The following NPSR1 variants were observed in gnomAD, a reference collection of about 807,000 sequenced individuals.
NPSR1 encodes neuropeptide S receptor 1.
NPSR1 carries 48 observed loss-of-function variants against 46.9 expected under a neutral mutation model. The ratio of observed to expected loss-of-function variants is 1.02; its 90% CI spans 0.81 to 1.30. The LOEUF (loss-of-function observed/expected upper bound fraction) is 1.30. Among genes scored for constraint, NPSR1 ranks in the 50% most tolerant of loss-of-function variants. The pLI, the probability that NPSR1 is intolerant of heterozygous loss-of-function variation, is 0.00. For synonymous variants in NPSR1, 176 were observed against 168.1 expected (o/e 1.05, Z -0.36); for missense variants, 450 against 449.5 (o/e 1.00, Z -0.01).
intron 2 of NPSR1, among the ~76,000 whole-genome samples, chr7:34,745,979 T>A (rs1242755885): frequency 6.6e-6 from 1 of 152,182 alleles, no homozygotes; most frequent in Non-Finnish European, 1.5e-5. Flanking sequence ...AAATACAGTC[T>A]TAGTATTAAT....
chr7:34,837,834 GA>G, intron 6 of NPSR1, among the ~76,000 whole-genome samples: 1 of 152,206 alleles, frequency 6.6e-6, no homozygotes, highest in East Asian at 1.9e-4. Context: ...TCTGCCTTCA[GA>G]GAGCTATTCC....
At chr7:34,702,577 C>A (rs542318628) in intron 2 of NPSR1, among the ~76,000 whole-genome samples, 2 of 152,318 alleles carry the variant, frequency 1.3e-5, no homozygotes, top group East Asian at 3.9e-4. Context: ...CTTCTAATGA[C>A]TTATTATCTT....
At chr7:34,809,302 A>G (rs576698124) in intron 3 of NPSR1, among the ~76,000 whole-genome samples, 90 of 151,668 alleles carry the variant, frequency 5.9e-4, no homozygotes, top group African/African-American at 2.1e-3. Context: ...TTCCCAAGAG[A>G]TAATTTTTTC....
intron 1 of NPSR1, among the ~76,000 whole-genome samples, chr7:34,669,830 A>C (rs1193553490): frequency 1.3e-5 from 2 of 152,210 alleles, no homozygotes; most frequent in Non-Finnish European, 1.5e-5. Flanking sequence ...AGTCAGGACA[A>C]GAACTGCAAT....
intron 2 of NPSR1, among the ~76,000 whole-genome samples, chr7:34,716,051 G>C (rs976284293): frequency 3.9e-5 from 6 of 152,098 alleles, no homozygotes; most frequent in Non-Finnish European, 7.4e-5. Flanking sequence ...GGCCTCCAGA[G>C]CTGAGTCCAC....
At chr7:34,735,125 G>T (rs1012417393) in intron 2 of NPSR1, among the ~76,000 whole-genome samples, 7 of 152,190 alleles carry the variant, frequency 4.6e-5, no homozygotes, top group African/African-American at 1.2e-4. Context: ...CCTGGTTGGG[G>T]GAAAGATAAT....
At chr7:34,756,329 G>T (rs1768835087) in intron 2 of NPSR1, among the ~76,000 whole-genome samples, 1 of 152,220 alleles carries the variant, frequency 6.6e-6, no homozygotes. Context: ...GAGCATTTAT[G>T]CAACCTACAT....
intron 4 of NPSR1, among the ~76,000 whole-genome samples, chr7:34,819,321 A>T (rs1319779622): frequency 6.6e-6 from 1 of 152,382 alleles, no homozygotes; most frequent in East Asian, 1.9e-4. Flanking sequence ...AAAAATGCTC[A>T]TCATCACTGA....
intron 6 of NPSR1, among the ~76,000 whole-genome samples, chr7:34,844,147 A>T (rs181918288): frequency 1.3e-5 from 2 of 152,346 alleles, no homozygotes; most frequent in Admixed American, 6.5e-5. Flanking sequence ...TTTAACTAAG[A>T]CCTATTGCAC....
chr7:34,860,332 T>A (rs13307205), intron 8 of NPSR1, among the ~76,000 whole-genome samples: 17 of 151,888 alleles, frequency 1.1e-4, no homozygotes, highest in African/African-American at 1.7e-4. Context: ...TGATTGCTTA[T>A]GTGTATTGTA....
intron 1 of NPSR1, among the ~76,000 whole-genome samples, chr7:34,678,342 C>T (rs1401818334): frequency 6.6e-6 from 1 of 151,504 alleles, no homozygotes; most frequent in Non-Finnish European, 1.5e-5. Flanking sequence ...CTGGCTCAGC[C>T]TCCCGAGTAG....
chr7:34,764,477 T>A (rs1185044442), intron 2 of NPSR1, among the ~76,000 whole-genome samples: 1 of 152,180 alleles, frequency 6.6e-6, no homozygotes, highest in East Asian at 1.9e-4. Context: ...TACAGAATTG[T>A]CTATGGTTGC....
At chr7:34,877,993 G>A in intron 8 of NPSR1, 1 of 747,334 alleles carries the variant, frequency 1.3e-6, no homozygotes, top group South Asian at 1.7e-5. Context: ...AATGACCACA[G>A]TGAGGTCACA....
intron 1 of NPSR1, among the ~76,000 whole-genome samples, chr7:34,668,424 AATGCAAAGAGTATTC>A (rs1390268186): frequency 6.6e-6 from 1 of 152,198 alleles, no homozygotes; most frequent in Non-Finnish European, 1.5e-5. Context: ...TTAAGATTAA[AATGCAAAGAGTATTC>A]AAGAACACAG....
In NPSR1 at chr7:34,878,024, A is replaced by G. The variant is rs547009793; in HGVS notation, c.1026-52A>G. Reference sequence around the variant, plus strand: ...TCACACATTCCTTCCTTTTATGCAAATAGGAAGACCCAGGTCCCTATACAT... The same window carrying G: ...TCACACATTCCTTCCTTTTATGCAAGTAGGAAGACCCAGGTCCCTATACAT... On this transcript the variant is annotated intron_variant, in intron 8 of 8. Coordinates refer to the NPSR1 transcript ENST00000359791. The G allele has an allele frequency of 5.9e-4, 632 of 1,064,112 alleles. 1 individual carries two copies. In the African/African-American group the frequency reaches 8.6e-3, roughly 14 times the overall value. 65.9% of individuals were successfully genotyped at this position (1,064,112 alleles called of 1,614,324 possible). A position where few individuals can be genotyped will look rare whatever the true frequency, so the allele number is the denominator to read the frequency against.
At chr7:34,851,282 C>T (rs2128765925), downstream of NPSR1, among the ~76,000 whole-genome samples, 1 of 145,960 alleles carries the variant, frequency 6.9e-6, no homozygotes, top group East Asian at 2.0e-4. Context: ...AACTCAAAGT[C>T]TGCGTGTTTA....
chr7:34,809,927 T>TC (rs911237946), intron 3 of NPSR1, among the ~76,000 whole-genome samples: 1 of 152,164 alleles, frequency 6.6e-6, no homozygotes, highest in African/African-American at 2.4e-5. Flanking sequence ...GATAATGCCC[T>TC]CCATCCATGT....
chr7:34,853,682 C>T (rs1331486199), downstream of NPSR1, among the ~76,000 whole-genome samples: 5 of 152,218 alleles, frequency 3.3e-5, no homozygotes, highest in East Asian at 5.8e-4. Flanking sequence ...TTTACACGGC[C>T]GGGCATGGTG....
Position 34,823,399 on chromosome 7 carries a change from G to GAAAAAGAAAAAAAAAAA in NPSR1, c.479-3997_479-3996insGAAAAAAAAAAAAAAAA, listed in dbSNP as rs1554336128. ...TTGGCAACAGAGCAAGACTTCACCAGAAAAAAAAAAAAAAAAACAACACCA... is the reference window on the plus strand; with the variant it reads ...TTGGCAACAGAGCAAGACTTCACCAGAAAAAGAAAAAAAAAAAAAAAAAAAAAAAAAAAACAACACCA... On this transcript the variant is annotated intron_variant, in intron 4 of 8. Transcript: ENST00000360581. 1.5e-3 allele frequency among the ~76,000 whole-genome samples: 104 copies of GAAAAAGAAAAAAAAAAA among 68,208 alleles called. 1 individual carries two copies. Among genetic ancestry groups the GAAAAAGAAAAAAAAAAA allele is most frequent in the African/African-American group, 5.2e-3 (102 of 19,508 alleles). 44.7% of individuals were successfully genotyped at this position (68,208 alleles called of 152,430 possible).
Sources: allele counts gnomAD v4.1 joint callset (sites outside exome capture counted in the v4.1 genomes callset), GRCh38; gene constraint gnomAD v4.1.1; transcripts MANE v1.5; gene names NCBI Gene and HGNC (gene_info 2026-07-23, HGNC 2026-07-21).